RARB: variants seen among roughly 807,000 people sequenced by gnomAD.
RARB encodes the protein HBV-activated protein.
Under a neutral mutation model 51.9 loss-of-function variants are expected in RARB, and 17 were observed. The observed-to-expected ratio is 0.33, with a 90% CI of 0.22 to 0.49. RARB has a LOEUF of 0.49. RARB is among the 20% of genes least tolerant of loss of function. The pLI is 0.99. For missense variants in RARB, 369 were observed against 550.8 expected (o/e 0.67, Z 3.30); for synonymous variants, 215 against 195.4 (o/e 1.10, Z -0.84).
At chr3:25,477,309 G>A (rs572042000) in intron 2 of RARB, among the ~76,000 whole-genome samples, 15 of 152,192 alleles carry the variant, frequency 9.9e-5, no homozygotes, top group Non-Finnish European at 2.1e-4. Context: ...TGGGCATGGG[G>A]TAGGTGACTC....
chr3:25,116,955 T>C (rs1038213200), intron 3 of RARB, among the ~76,000 whole-genome samples: 2 of 152,164 alleles, frequency 1.3e-5, no homozygotes, highest in Non-Finnish European at 2.9e-5. Context: ...AATATAATTT[T>C]TTAACATAAG....
intron 2 of RARB, among the ~76,000 whole-genome samples, chr3:24,887,265 T>C (rs1703284477): frequency 6.6e-6 from 1 of 152,220 alleles, no homozygotes; most frequent in Admixed American, 6.5e-5. Context: ...ATACTTTGAT[T>C]ACAATAGAAA....
chr3:25,596,093 A>G (rs1701813671), intron 7 of RARB, among the ~76,000 whole-genome samples: 1 of 152,228 alleles, frequency 6.6e-6, no homozygotes, highest in Admixed American at 6.5e-5. Context: ...AAGTTCTAGC[A>G]GATCATAAAA....
intron 2 of RARB, among the ~76,000 whole-genome samples, chr3:25,011,205 A>G (rs1697387476): frequency 1.3e-5 from 2 of 152,124 alleles, no homozygotes; most frequent in Non-Finnish European, 2.9e-5. Flanking sequence ...GGAATGAACA[A>G]TAAAGGGAAT....
rs191586821 is a variant in RARB, at chr3:25,437,890, T to C, written c.157+9002T>C. On this transcript the variant is annotated intron_variant, in intron 1 of 7. Transcript: ENST00000330688. ...TTCCTTGGGGATGGGTTTGATTCTA[T>C]TGGATTTTTAAAAATCACTTATTTC... Among the ~76,000 whole-genome samples, 425 of 152,344 alleles carry C rather than the reference T, an allele frequency of 2.8e-3. 1 individual carries two copies. The highest frequency in any genetic ancestry group is 9.5e-3 in the African/African-American group (396 of 41,576).
At chr3:25,175,243 G>A (rs1042830939) in intron 5 of RARB, among the ~76,000 whole-genome samples, 3 of 152,134 alleles carry the variant, frequency 2.0e-5, no homozygotes, top group Non-Finnish European at 2.9e-5. Context: ...TTTTTAGAAA[G>A]TTCTGCCTGT....
At chr3:25,078,457 A>T (rs1284490255) in intron 3 of RARB, among the ~76,000 whole-genome samples, 1 of 151,312 alleles carries the variant, frequency 6.6e-6, no homozygotes, top group Non-Finnish European at 1.5e-5. Context: ...CCTTTTATTG[A>T]TGGATTTATC....
intron 2 of RARB, among the ~76,000 whole-genome samples, chr3:24,987,393 G>T (rs1376345112): frequency 6.6e-6 from 1 of 152,198 alleles, no homozygotes; most frequent in Non-Finnish European, 1.5e-5. Flanking sequence ...AAAGAAGAAA[G>T]CTCTTAAGAA....
At chr3:25,198,457 G>A (rs1701300617) in intron 5 of RARB, among the ~76,000 whole-genome samples, 1 of 151,950 alleles carries the variant, frequency 6.6e-6, no homozygotes, top group Non-Finnish European at 1.5e-5. Flanking sequence ...GCACAGAAGA[G>A]GAAACAATCA....
upstream of RARB, among the ~76,000 whole-genome samples, chr3:25,427,892 G>C (rs1181581227): frequency 6.6e-6 from 1 of 152,090 alleles, no homozygotes; most frequent in African/African-American, 2.4e-5. Flanking sequence ...GCGGTGGGCG[G>C]GAGGCGAGCG....
intron 5 of RARB, among the ~76,000 whole-genome samples, chr3:25,182,348 C>CA (rs1700878908): frequency 6.6e-6 from 1 of 152,146 alleles, no homozygotes; most frequent in Non-Finnish European, 1.5e-5. Flanking sequence ...TTATGCCAGC[C>CA]ATGGGGTACT....
intron 5 of RARB, among the ~76,000 whole-genome samples, chr3:25,591,791 C>T (rs539219836): frequency 1.3e-5 from 2 of 152,290 alleles, no homozygotes; most frequent in African/African-American, 2.4e-5. Context: ...ACAACAGAGG[C>T]GCTGCTGCAC....
intron 1 of RARB, among the ~76,000 whole-genome samples, chr3:25,452,119 C>T (rs1345782878): frequency 6.6e-6 from 1 of 152,092 alleles, no homozygotes; most frequent in Non-Finnish European, 1.5e-5. Context: ...CATTAATAAG[C>T]AGTTAGATGT....
chr3:25,527,519 TTGTC>T (rs1235344717), intron 3 of RARB, among the ~76,000 whole-genome samples: 1 of 152,272 alleles, frequency 6.6e-6, no homozygotes, highest in South Asian at 2.1e-4. Context: ...CATCTCCAAA[TTGTC>T]TGTGAACTGG....
intron 2 of RARB, among the ~76,000 whole-genome samples, chr3:24,893,776 T>G (rs1203531145): frequency 6.6e-6 from 1 of 152,044 alleles, no homozygotes; most frequent in Non-Finnish European, 1.5e-5. Flanking sequence ...CCTCCTACCT[T>G]AGTCTCCCAA....
At chr3:25,146,417 G>A (rs1317218255) in intron 4 of RARB, among the ~76,000 whole-genome samples, 1 of 151,676 alleles carries the variant, frequency 6.6e-6, no homozygotes, top group Admixed American at 6.6e-5. Flanking sequence ...AGGGGGCAGG[G>A]TTATATCCCA....
intron 5 of RARB, among the ~76,000 whole-genome samples, chr3:25,229,363 A>C (rs997331588): frequency 2.0e-5 from 3 of 152,178 alleles, no homozygotes; most frequent in Non-Finnish European, 4.4e-5. Flanking sequence ...ATTCAAAAAA[A>C]CAAATATTTC....
At chr3:24,958,255 G>GTTTTTTTTTTTTTTTTTTTTTTTTTTT (rs71057692) in intron 2 of RARB, among the ~76,000 whole-genome samples, 1 of 69,444 alleles carries the variant, frequency 1.4e-5, no homozygotes, top group African/African-American at 4.3e-5. Flanking sequence ...AGCTGCTCAG[G>GTTTTTTTTTTTTTTTTTTTTTTTTTTT]TTTTTTTTTT....
Position 25,453,243 on chromosome 3 carries a change from CTTT to C in RARB, c.158-7929_158-7927del, listed in dbSNP as rs758275411. ...TTTCTGGGGTGGGGCCAAGATTCTG[CTTT>C]TTTTTTTTTTTTTTTTTTTTGAGAC... On this transcript the variant is annotated intron_variant, in intron 1 of 7. Coordinates refer to ENST00000330688, the MANE Select transcript of RARB (RefSeq NM_000965.5). Among the ~76,000 whole-genome samples, 430 of 81,978 alleles carry C rather than the reference CTTT, an allele frequency of 5.2e-3. 3 individuals are homozygous for C. The highest frequency in any genetic ancestry group is 0.02 in the East Asian group (57 of 2,804). The allele number at this position is 81,978 out of a possible 152,430, so 53.8% of individuals were successfully genotyped here.
Sources: allele counts gnomAD v4.1 joint callset (sites outside exome capture counted in the v4.1 genomes callset), GRCh38; gene constraint gnomAD v4.1.1; transcripts MANE v1.5; gene names NCBI Gene and HGNC (gene_info 2026-07-23, HGNC 2026-07-21).